Variants in NRG1 observed in about 807,000 individuals in gnomAD.
NRG1 encodes the protein pro-neuregulin-1, membrane-bound isoform.
In NRG1, 18 loss-of-function variants were observed where a neutral mutation model predicts 63.8. That is an observed-to-expected ratio of 0.28 (90% confidence interval 0.19 to 0.42). The LOEUF (loss-of-function observed/expected upper bound fraction) is 0.42, where lower values mean the gene tolerates loss of function less well. NRG1 is among the 10% of genes least tolerant of loss of function. The pLI is 1.00. For synonymous variants in NRG1, 302 were observed against 301.3 expected (o/e 1.00, Z -0.02); for missense variants, 762 against 814.7 (o/e 0.94, Z 0.79).
At chr8:32,267,048 CA>C (rs1181982879) in intron 1 of NRG1, among the ~76,000 whole-genome samples, 1 of 134,970 alleles carries the variant, frequency 7.4e-6, no homozygotes, top group East Asian at 2.2e-4. Flanking sequence ...GACTCCATCT[CA>C]AAAAAAGAAA....
At chr8:32,706,466 G>C (rs909593196) in intron 5 of NRG1, among the ~76,000 whole-genome samples, 2 of 152,148 alleles carry the variant, frequency 1.3e-5, no homozygotes, top group African/African-American at 4.8e-5. Context: ...TTTGGCAGGG[G>C]CTTGCTGTCC....
chr8:31,661,282 T>G (rs1430449860), intron 1 of NRG1, among the ~76,000 whole-genome samples: 2 of 152,230 alleles, frequency 1.3e-5, no homozygotes, highest in Non-Finnish European at 2.9e-5. Context: ...CCCAGAGGTC[T>G]GACCGCCTTT....
rs537750046 is a variant in NRG1, at chr8:32,128,584, A to G, written c.38-467244A>G. On this transcript the variant is annotated intron_variant, in intron 1 of 10. Coordinates refer to the NRG1 transcript ENST00000519301. ...GAGAATTGAAACAATGGGCAAATCT[A>G]TAGCAGAATGCTTGTTGAATTCTAT... 2.0e-4 allele frequency among the ~76,000 whole-genome samples: 31 copies of G among 152,094 alleles called. No individual in the cohort carries two copies. The South Asian group carries it at 5.6e-3, about 27-fold the overall frequency.
At chr8:31,954,648 A>T (rs1563612703) in intron 1 of NRG1, among the ~76,000 whole-genome samples, 1 of 152,310 alleles carries the variant, frequency 6.6e-6, no homozygotes, top group East Asian at 1.9e-4. Context: ...CAGAATCTAT[A>T]TCTCTTAACC....
downstream of NRG1, among the ~76,000 whole-genome samples, chr8:32,768,197 G>A (rs867411428): frequency 5.9e-5 from 9 of 152,310 alleles, no homozygotes; most frequent in Middle Eastern, 3.4e-3. Context: ...CAACCAGACA[G>A]TACTATGCTT....
At chr8:32,133,399 A>C (rs1835105056) in intron 1 of NRG1, among the ~76,000 whole-genome samples, 1 of 152,010 alleles carries the variant, frequency 6.6e-6, no homozygotes. Flanking sequence ...TTTCCCAGTT[A>C]CATTTAATCA....
chr8:32,363,654 A>G (rs1413100945), intron 1 of NRG1, among the ~76,000 whole-genome samples: 1 of 151,998 alleles, frequency 6.6e-6, no homozygotes, highest in Non-Finnish European at 1.5e-5. Flanking sequence ...CACTCTCTTT[A>G]TCTCTCTTGG....
intron 1 of NRG1, among the ~76,000 whole-genome samples, chr8:32,172,671 G>A (rs1175159013): frequency 2.0e-5 from 3 of 152,160 alleles, no homozygotes; most frequent in South Asian, 2.1e-4. Flanking sequence ...GAAAACCAAG[G>A]CACGAGAACT....
chr8:31,972,068 G>A (rs1235675797), intron 1 of NRG1, among the ~76,000 whole-genome samples: 1 of 152,142 alleles, frequency 6.6e-6, no homozygotes, highest in Non-Finnish European at 1.5e-5. Flanking sequence ...CAATGAGGGT[G>A]GCTATCTGGC....
Position 32,686,190 on chromosome 8 carries a change from T to C in NRG1, c.503-41759T>C, listed in dbSNP as rs566067417. ...AAATGCAAGTTACCAATATGACTCT[T>C]TGCTACTTCTTTCCATAAGAAGACA... is the stretch of plus-strand genomic sequence containing the variant. On this transcript the variant is annotated intron_variant, in intron 5 of 11. Transcript: ENST00000356819. Among the ~76,000 whole-genome samples the C allele has an allele frequency of 1.1e-4, 16 of 152,236 alleles. No homozygotes were observed. The East Asian group carries it at 3.1e-3, about 30-fold the overall frequency.
chr8:32,448,778 A>G (rs1820595342), intron 1 of NRG1, among the ~76,000 whole-genome samples: 1 of 152,168 alleles, frequency 6.6e-6, no homozygotes, highest in African/African-American at 2.4e-5. Flanking sequence ...CACTGCCCTC[A>G]GCCCAAATAT....
At chr8:31,691,814 G>A (rs980271034) in intron 1 of NRG1, among the ~76,000 whole-genome samples, 1 of 151,938 alleles carries the variant, frequency 6.6e-6, no homozygotes, top group African/African-American at 2.4e-5. Flanking sequence ...TAGTTCTTCA[G>A]ATTGGTTATT....
intron 1 of NRG1, among the ~76,000 whole-genome samples, chr8:32,482,843 TGAAGGTCCA>T (rs1825472854): frequency 6.6e-6 from 1 of 152,172 alleles, no homozygotes; most frequent in Non-Finnish European, 1.5e-5. Flanking sequence ...TGGGCTGAAC[TGAAGGTCCA>T]GAGGCACTCC....
rs973209361 is a variant in NRG1 at position 31,977,123 on chromosome 8, C to T, written c.37+337692C>T. Among the ~76,000 whole-genome samples the T allele has an allele frequency of 7.9e-5, 12 of 152,084 alleles. No homozygotes were observed. In the East Asian group the frequency reaches 9.6e-4, roughly 12 times the overall value. On this transcript the variant is annotated intron_variant, in intron 1 of 10. Coordinates refer to the NRG1 transcript ENST00000519301. ...CAATGTAATTTCCTCGTTGTCATTCCGCAAACCATCTATGTTCAAATATTT... is the reference window on the plus strand; with the variant it reads ...CAATGTAATTTCCTCGTTGTCATTCTGCAAACCATCTATGTTCAAATATTT...
chr8:32,315,964 G>T (rs1421700210), intron 1 of NRG1, among the ~76,000 whole-genome samples: 6 of 152,124 alleles, frequency 3.9e-5, no homozygotes, highest in Non-Finnish European at 8.8e-5. Flanking sequence ...TACATAGAAA[G>T]GAACAGAAAC....
chr8:32,325,029 A>G (rs1184867656), intron 1 of NRG1, among the ~76,000 whole-genome samples: 1 of 152,220 alleles, frequency 6.6e-6, no homozygotes, highest in Non-Finnish European at 1.5e-5. Context: ...GGAAGTGAGC[A>G]TTGTTCTAAA....
intron 6 of NRG1, among the ~76,000 whole-genome samples, chr8:32,733,719 A>G (rs967080036): frequency 2.6e-5 from 4 of 152,186 alleles, no homozygotes; most frequent in African/African-American, 9.7e-5. Context: ...TCAGTCTGTT[A>G]AAGAAAATGA....
intron 1 of NRG1, among the ~76,000 whole-genome samples, chr8:32,326,930 C>T (rs558940944): frequency 8.5e-5 from 13 of 152,232 alleles, no homozygotes; most frequent in African/African-American, 3.1e-4. Context: ...GAGACAAATT[C>T]TTGAAATCTC....
intron 1 of NRG1, among the ~76,000 whole-genome samples, chr8:32,233,482 A>G (rs897848342): frequency 6.7e-6 from 1 of 149,070 alleles, no homozygotes; most frequent in Non-Finnish European, 1.5e-5. Context: ...CAAATATATT[A>G]TGGCAACATC....
Sources: allele counts gnomAD v4.1 joint callset (sites outside exome capture counted in the v4.1 genomes callset), GRCh38; gene constraint gnomAD v4.1.1; transcripts MANE v1.5; gene names NCBI Gene and HGNC (gene_info 2026-07-23, HGNC 2026-07-21).